The following ZNF804A variants were observed in gnomAD, a reference collection of about 807,000 sequenced individuals.
The protein encoded by ZNF804A is zinc finger protein 804A.
Under a neutral mutation model 16.5 loss-of-function variants are expected in ZNF804A, and 2 were observed. The ratio of observed to expected loss-of-function variants is 0.12; its 90% CI spans 0.05 to 0.38. ZNF804A has a LOEUF of 0.38. Ranked by LOEUF, ZNF804A falls within the 10% of genes least tolerant of loss-of-function variation. The pLI, the probability that ZNF804A is intolerant of heterozygous loss-of-function variation, is 0.99. For missense variants in ZNF804A, 1,473 were observed against 1,390.7 expected, an observed-to-expected ratio of 1.06 and a Z score of -0.94; for synonymous variants, 534 against 489.6, an observed-to-expected ratio of 1.09 and a Z score of -1.20.
intron 1 of ZNF804A, among the ~76,000 whole-genome samples, chr2:184,864,903 C>T (rs1451119529): frequency 2.9e-4 from 25 of 85,298 alleles, no homozygotes; most frequent in Admixed American, 2.9e-3. Flanking sequence ...TTTTTTGAGG[C>T]AGATTCTTGC....
chr2:184,854,336 C>A (rs905441392), intron 1 of ZNF804A, among the ~76,000 whole-genome samples: 1 of 151,950 alleles, frequency 6.6e-6, no homozygotes, highest in African/African-American at 2.4e-5. Flanking sequence ...TGTGAAATAA[C>A]TTTTCCACAC....
rs538504822 is a variant in ZNF804A, at chr2:184,821,684, A to C, written c.112-44685A>C. On this transcript the variant is annotated intron_variant, in intron 1 of 3. Coordinates refer to ENST00000302277, the MANE Select transcript of ZNF804A (RefSeq NM_194250.2). ...TCCATCTGATAAAAGTCTAGTATCCAGATTCTACAAGGAACTTAAACAGAT... is the reference window on the plus strand; with the variant it reads ...TCCATCTGATAAAAGTCTAGTATCCCGATTCTACAAGGAACTTAAACAGAT... Among the ~76,000 whole-genome samples, 12 of 152,324 alleles carry C rather than the reference A, an allele frequency of 7.9e-5. No individual in the cohort carries two copies. The South Asian group carries it at 2.5e-3, about 32-fold the overall frequency.
Position 184,935,796 on chromosome 2 carries a change from G to A in ZNF804A, c.400G>A (p.Gly134Ser). ...RKETVCAPGS[G>S]PMFKSTTVTV... is the part of the protein sequence containing the mutation. The stretch of plus-strand genomic sequence containing the variant: ...TTCTCTCTCTAGTGCTCCTGGAAGT[G>A]GCCCCATGTTCAAATCAACAACTGT... Residue 134 changes from glycine to serine, a missense_variant, in exon 4 of 4, where the codon GGC becomes AGC. Transcript: ENST00000302277. 6.2e-7 allele frequency: 1 copy of A among 1,604,062 alleles called. No homozygotes were observed. Among genetic ancestry groups the A allele is most frequent in the Non-Finnish European group, 8.5e-7 (1 of 1,175,260 alleles).
intron 1 of ZNF804A, among the ~76,000 whole-genome samples, chr2:184,775,066 T>C (rs1694266268): frequency 6.6e-6 from 1 of 151,794 alleles, no homozygotes. Flanking sequence ...ATGGTTATCA[T>C]GATCTGCATT....
intron 1 of ZNF804A, among the ~76,000 whole-genome samples, chr2:184,860,980 A>G (rs1186172763): frequency 6.6e-6 from 1 of 152,170 alleles, no homozygotes; most frequent in Admixed American, 6.5e-5. Context: ...GCCTGGGGCT[A>G]CTGAGGTCAG....
intron 1 of ZNF804A, among the ~76,000 whole-genome samples, chr2:184,697,132 C>G (rs182950581): frequency 6.6e-6 from 1 of 151,832 alleles, no homozygotes; most frequent in Admixed American, 6.6e-5. Flanking sequence ...TTAATTATAG[C>G]AAAATAAATC....
At chr2:184,813,819 CTTG>C (rs1023441280) in intron 1 of ZNF804A, among the ~76,000 whole-genome samples, 1 of 151,766 alleles carries the variant, frequency 6.6e-6, no homozygotes, top group Non-Finnish European at 1.5e-5. Flanking sequence ...CCAAACATAC[CTTG>C]TTCTTCTTTC....
intron 1 of ZNF804A, among the ~76,000 whole-genome samples, chr2:184,613,900 C>T (rs1691278430): frequency 1.3e-5 from 2 of 152,112 alleles, no homozygotes; most frequent in Non-Finnish European, 2.9e-5. Context: ...CATCAAGCTA[C>T]CATTGACTTT....
chr2:184,829,288 A>T lies in ZNF804A; in HGVS notation c.112-37081A>T, dbSNP rs149459054. 1.6e-4 allele frequency among the ~76,000 whole-genome samples: 24 copies of T among 152,056 alleles called. No individual in the cohort carries two copies. In the East Asian group the frequency reaches 4.6e-3, roughly 29 times the overall value. On this transcript the variant is annotated intron_variant, in intron 1 of 3. Transcript: ENST00000302277. ...AATACTTTATGTAGTATTTTATATA[A>T]TGTGAGAAGTATGTTAGAATAAATA...
chr2:184,739,775 C>A (rs6736683), intron 1 of ZNF804A, among the ~76,000 whole-genome samples: 1 of 152,166 alleles, frequency 6.6e-6, no homozygotes, highest in Non-Finnish European at 1.5e-5. Context: ...TGTCCCAATA[C>A]TTTAATCTCC....
intron 2 of ZNF804A, among the ~76,000 whole-genome samples, chr2:184,887,736 C>A (rs758795094): frequency 6.6e-6 from 1 of 152,138 alleles, no homozygotes; most frequent in Non-Finnish European, 1.5e-5. Flanking sequence ...AGACTGGCCC[C>A]CATGATTCAA....
chr2:184,858,500 T>C (rs1307188612), intron 1 of ZNF804A, among the ~76,000 whole-genome samples: 4 of 143,500 alleles, frequency 2.8e-5, no homozygotes, highest in African/African-American at 7.8e-5. Context: ...TGAGACTCTG[T>C]CTCAAAAAAA....
chr2:184,804,219 T>A (rs1258828726), intron 1 of ZNF804A, among the ~76,000 whole-genome samples: 1 of 152,102 alleles, frequency 6.6e-6, no homozygotes, highest in East Asian at 1.9e-4. Flanking sequence ...ACTCGGGTAA[T>A]CCCAGATTAT....
intron 1 of ZNF804A, among the ~76,000 whole-genome samples, chr2:184,745,023 A>T (rs1196394275): frequency 6.6e-6 from 1 of 151,778 alleles, no homozygotes; most frequent in Non-Finnish European, 1.5e-5. Context: ...ATATCTATTC[A>T]GTGGTTAAAA....
intron 1 of ZNF804A, among the ~76,000 whole-genome samples, chr2:184,759,940 C>A (rs1427819608): frequency 6.6e-6 from 1 of 152,150 alleles, no homozygotes; most frequent in Non-Finnish European, 1.5e-5. Flanking sequence ...CTCAGCCCAC[C>A]TGCACCCAGG....
At chr2:184,613,076 A>T (rs553361588) in intron 1 of ZNF804A, among the ~76,000 whole-genome samples, 5 of 152,360 alleles carry the variant, frequency 3.3e-5, no homozygotes, top group Admixed American at 3.3e-4. Context: ...GGCATCCAAC[A>T]TGCCAACTAT....
At chr2:184,700,229 A>G (rs189030548) in intron 1 of ZNF804A, among the ~76,000 whole-genome samples, 1 of 152,294 alleles carries the variant, frequency 6.6e-6, no homozygotes, top group East Asian at 1.9e-4. Flanking sequence ...CAACAGACTT[A>G]ATTGAATACA....
intron 1 of ZNF804A, among the ~76,000 whole-genome samples, chr2:184,765,316 C>A (rs934398710): frequency 1.3e-5 from 2 of 151,950 alleles, no homozygotes; most frequent in Non-Finnish European, 2.9e-5. Context: ...AGGAGAGCAC[C>A]CCTCCTGTCG....
intron 1 of ZNF804A, among the ~76,000 whole-genome samples, chr2:184,840,115 G>C (rs530895657): frequency 2.0e-5 from 3 of 152,270 alleles, no homozygotes; most frequent in South Asian, 2.1e-4. Context: ...CATGGCCATC[G>C]TGGTGGTTCA....
Sources: allele counts gnomAD v4.1 joint callset (sites outside exome capture counted in the v4.1 genomes callset), GRCh38; gene constraint gnomAD v4.1.1; transcripts MANE v1.5; gene names NCBI Gene and HGNC (gene_info 2026-07-23, HGNC 2026-07-21).